The following SPMAP2L variants were observed in gnomAD, a reference collection of about 807,000 sequenced individuals.
SPMAP2L encodes the protein sperm microtubule associated protein 2-like.
the SPMAP2L span, among the ~76,000 whole-genome samples, chr4:56,621,518 C>T: frequency 2.0e-4 from 31 of 152,176 alleles, no homozygotes; most frequent in East Asian, 5.0e-3. Flanking sequence ...TCATAGCAAG[C>T]ATAAGGTAAT....
At chr4:56,595,155 G>A in the SPMAP2L span, 46 of 1,611,398 alleles carry the variant, frequency 2.9e-5, no homozygotes, top group East Asian at 4.7e-4. Flanking sequence ...CGGAAACTGC[G>A]ATATTAAATG....
At chr4:56,537,924 A>C in the SPMAP2L span, among the ~76,000 whole-genome samples, 1 of 151,980 alleles carries the variant, frequency 6.6e-6, no homozygotes, top group African/African-American at 2.4e-5. Flanking sequence ...TGATCTCCTG[A>C]CCTTGTGATC....
chr4:56,592,364 G>A, the SPMAP2L span, among the ~76,000 whole-genome samples: 4 of 152,190 alleles, frequency 2.6e-5, no homozygotes, highest in Non-Finnish European at 4.4e-5. Flanking sequence ...TCTTGGCTGA[G>A]TTTATCATTA....
chr4:56,539,890 G>A, the SPMAP2L span, among the ~76,000 whole-genome samples: 1 of 152,292 alleles, frequency 6.6e-6, no homozygotes, highest in East Asian at 1.9e-4. Flanking sequence ...ACCACTATCT[G>A]AAGTTATTTA....
At chr4:56,538,343 T>C in the SPMAP2L span, among the ~76,000 whole-genome samples, 11 of 152,248 alleles carry the variant, frequency 7.2e-5, no homozygotes, top group African/African-American at 1.4e-4. Flanking sequence ...CCTATTTTTT[T>C]CCCAGGATTC....
At chr4:56,584,616 G>A in the SPMAP2L span, 1 of 1,519,520 alleles carries the variant, frequency 6.6e-7, no homozygotes, top group African/African-American at 1.4e-5. Flanking sequence ...AAAAAAGTAA[G>A]TGTGCCCTTG....
chr4:56,582,671 T>G, the SPMAP2L span, among the ~76,000 whole-genome samples: 1 of 152,194 alleles, frequency 6.6e-6, no homozygotes, highest in African/African-American at 2.4e-5. Flanking sequence ...CTCAAAATGT[T>G]AAATATAGAG....
the SPMAP2L span, among the ~76,000 whole-genome samples, chr4:56,592,225 A>T: frequency 1.3e-5 from 2 of 152,186 alleles, no homozygotes; most frequent in Non-Finnish European, 2.9e-5. Context: ...GAACAGTTTC[A>T]TCCCTAAACC....
At chr4:56,594,965 A>G in the SPMAP2L span, 14 of 1,610,304 alleles carry the variant, frequency 8.7e-6, no homozygotes, top group Admixed American at 2.2e-4. Context: ...CATGGGGCCC[A>G]TTGGCGTAAG....
the SPMAP2L span, among the ~76,000 whole-genome samples, chr4:56,541,829 C>T: frequency 1.1e-3 from 174 of 152,080 alleles, 2 homozygotes; most frequent in African/African-American, 4.0e-3. Flanking sequence ...TTTCTTTTTT[C>T]TATAGAGATG....
the SPMAP2L span, among the ~76,000 whole-genome samples, chr4:56,598,540 G>A: frequency 6.6e-6 from 1 of 152,032 alleles, no homozygotes; most frequent in Non-Finnish European, 1.5e-5. Flanking sequence ...AGAATGTGAT[G>A]TATGAGTCTA....
the SPMAP2L span, among the ~76,000 whole-genome samples, chr4:56,561,723 T>C: frequency 6.6e-6 from 1 of 151,924 alleles, no homozygotes; most frequent in Non-Finnish European, 1.5e-5. Flanking sequence ...GGAAATCAAA[T>C]TTCTTTTTCT....
At chr4:56,596,698 T>C in the SPMAP2L span, 1 of 1,400,148 alleles carries the variant, frequency 7.1e-7, no homozygotes, top group East Asian at 2.7e-5. Flanking sequence ...CTATTTTGCC[T>C]CTACAGGGCA....
chr4:56,596,579 A>T, the SPMAP2L span: 1 of 1,534,214 alleles, frequency 6.5e-7, no homozygotes, highest in East Asian at 2.4e-5. Context: ...CCAAGGATCA[A>T]GTTAGAGGGT....
the SPMAP2L span, among the ~76,000 whole-genome samples, chr4:56,582,936 G>A: frequency 1.3e-5 from 2 of 152,158 alleles, no homozygotes; most frequent in Non-Finnish European, 2.9e-5. Flanking sequence ...CTAAGTGAAG[G>A]AAGGCAGACA....
the SPMAP2L span, among the ~76,000 whole-genome samples, chr4:56,574,978 C>T: frequency 6.6e-6 from 1 of 150,946 alleles, no homozygotes; most frequent in Non-Finnish European, 1.5e-5. Context: ...CTGCTGGGCG[C>T]GGTGGCTCAT....
At chr4:56,607,870 G>C in the SPMAP2L span, among the ~76,000 whole-genome samples, 2 of 151,826 alleles carry the variant, frequency 1.3e-5, no homozygotes, top group Non-Finnish European at 2.9e-5. Context: ...GGTGGTGCTT[G>C]CCTGTAGTCC....
chr4:56,542,541 G>T, the SPMAP2L span, among the ~76,000 whole-genome samples: 2 of 150,514 alleles, frequency 1.3e-5, no homozygotes, highest in Non-Finnish European at 3.0e-5. Flanking sequence ...CAGTCTGTTT[G>T]TCTCTGTTAT....
chr4:56,577,033 A>G, the SPMAP2L span, among the ~76,000 whole-genome samples: 1 of 150,914 alleles, frequency 6.6e-6, no homozygotes, highest in East Asian at 1.9e-4. Context: ...ACCTCTCAGG[A>G]GCTGTTTAAG....
Sources: allele counts gnomAD v4.1 joint callset (sites outside exome capture counted in the v4.1 genomes callset), GRCh38; gene constraint gnomAD v4.1.1; transcripts MANE v1.5; gene names NCBI Gene and HGNC (gene_info 2026-07-23, HGNC 2026-07-21).